The following GFI1 variants were observed in gnomAD, a reference collection of about 807,000 sequenced individuals.
GFI1 encodes the protein growth factor independent 1 transcriptional repressor.
Under a neutral mutation model 39.2 loss-of-function variants are expected in GFI1, and 15 were observed. The observed-to-expected ratio is 0.38, with a 90% CI of 0.26 to 0.59. The LOEUF (loss-of-function observed/expected upper bound fraction) is 0.59. GFI1 is among the 20% of genes least tolerant of loss of function. GFI1 has a pLI of 0.62. For synonymous variants in GFI1, 239 were observed against 254.3 expected (o/e 0.94, Z 0.57); for missense variants, 475 against 574.0 (o/e 0.83, Z 1.76).
In GFI1 at chr1:92,478,773, G is replaced by GAGAGAGAT; in HGVS notation, c.925-21_925-20insATCTCTCT. ...CCGTTCCTGCAGAGAGAGAGAGAGA[G>GAGAGAGAT]AGAGAGAGAGAGAGAGAGAGATGCA... On this transcript the variant is annotated intron_variant, in intron 5 of 6. Coordinates refer to ENST00000294702, the MANE Select transcript of GFI1 (RefSeq NM_005263.5). The GAGAGAGAT allele has an allele frequency of 6.2e-7, 1 of 1,605,332 alleles. No individual in the cohort carries two copies. The highest frequency in any genetic ancestry group is 1.1e-5 in the South Asian group (1 of 90,356).
At position 92,480,761 on chromosome 1, in the gene GFI1, C is replaced by T. The variant is rs1160854166; in HGVS notation, c.626G>A (p.Gly209Glu). The T allele has an allele frequency of 1.9e-6, 3 of 1,600,614 alleles. No individual in the cohort carries two copies. Among genetic ancestry groups the T allele is most frequent in the Non-Finnish European group, 2.5e-6 (3 of 1,178,222 alleles). Residue 209 changes from glycine to glutamate, a missense_variant, in exon 4 of 7, where the codon GGG becomes GAG. Physicochemically the swap from Gly to Glu is moderately conservative, Grantham distance 98. Transcript: ENST00000294702. The surrounding 1 kb of genome is among the most constrained non-coding windows in gnomAD (Gnocchi z 5.6). The part of the protein sequence containing the change: ...LYGDFGSAAA[G>E]LYERPTAAAG... Reference sequence around the variant, plus strand: ...CGCTGCCGTGGGCCTCTCATACAGCCCGGCTGCCGCAGACCCGAAGTCGCC... The same window carrying T: ...CGCTGCCGTGGGCCTCTCATACAGCTCGGCTGCCGCAGACCCGAAGTCGCC...
At position 92,473,312 on chromosome 1, in the gene GFI1, T is replaced by C. The variant is rs149403862; in HGVS notation, c.*2717A>G. On this transcript the variant is annotated 3_prime_UTR_variant, in exon 7 of 7. Transcript: ENST00000294702. ...GAGCAGGACAGCACAGGCACCTAGA[T>C]TTCAATCAGTTCTACTTACCCCTCA... is the stretch of plus-strand genomic sequence containing the variant. Among the ~76,000 whole-genome samples the C allele has an allele frequency of 1.5e-3, 225 of 152,240 alleles. No individual in the cohort carries two copies. Among genetic ancestry groups the C allele is most frequent in the African/African-American group, 5.2e-3 (215 of 41,532 alleles).
At position 92,481,830 on chromosome 1, in the gene GFI1, C is replaced by T. The variant is rs1658268254; in HGVS notation, c.299-742G>A. ...ATAACTCATAAGGTTTAGCCACCACCTGCAAGGAGACAGCTCTGAATTCTC... is the reference window on the plus strand; with the variant it reads ...ATAACTCATAAGGTTTAGCCACCACTTGCAAGGAGACAGCTCTGAATTCTC... On this transcript the variant is annotated intron_variant, in intron 3 of 6. Transcript: ENST00000294702. This position sits in a 1 kb window ranked among gnomAD's most constrained non-coding sequence, Gnocchi z 4.3. Among the ~76,000 whole-genome samples, 2 of 152,170 alleles carry T rather than the reference C, an allele frequency of 1.3e-5. No homozygotes were observed. The highest frequency in any genetic ancestry group is 1.3e-4 in the Admixed American group (2 of 15,282).
intron 6 of GFI1, among the ~76,000 whole-genome samples, chr1:92,476,909 G>A (rs942753): frequency 0.72 from 108,794 of 152,032 alleles, 39,662 homozygotes; most frequent in East Asian, 0.94. Flanking sequence ...TAATTTTATG[G>A]GGTTAATCAC....
chr1:92,478,375 CTT>C (rs1658057718), intron 6 of GFI1, among the ~76,000 whole-genome samples: 1 of 152,312 alleles, frequency 6.6e-6, no homozygotes, highest in Middle Eastern at 3.4e-3. Context: ...GCTGAGTGGC[CTT>C]TCAGACACAA....
At position 92,474,893 on chromosome 1, in the gene GFI1, A is replaced by G. The variant is rs751951446; in HGVS notation, c.*1136T>C. On this transcript the variant is annotated 3_prime_UTR_variant, in exon 7 of 7. Coordinates refer to ENST00000294702, the MANE Select transcript of GFI1 (RefSeq NM_005263.5). ...TGAAAATACCACCTTTCCCCCCTCT[A>G]TGGTACACATGGAGGGTCAAAGAGT... 5.2e-5 allele frequency: 8 copies of G among 152,500 alleles called. No homozygotes were observed. Among genetic ancestry groups the G allele is most frequent in the Non-Finnish European group, 8.8e-5 (6 of 68,016 alleles). The allele number at this position is 152,500 out of a possible 1,614,324, so 9.4% of individuals were successfully genotyped here. A position where few individuals can be genotyped will look rare whatever the true frequency, so the allele number is the denominator to read the frequency against.
At chr1:92,485,712 G>A (rs1032835655) in intron 1 of GFI1, among the ~76,000 whole-genome samples, 9 of 152,004 alleles carry the variant, frequency 5.9e-5, no homozygotes, top group Admixed American at 2.0e-4. Context: ...CGCTAAGGGG[G>A]CGTCCTCCCG....
In GFI1 at chr1:92,486,221, C is replaced by T. The variant is rs150441184; in HGVS notation, c.-100+505G>A. The T allele has an allele frequency of 7.9e-4, 121 of 152,658 alleles. 1 individual carries two copies. The highest frequency in any genetic ancestry group is 2.7e-3 in the African/African-American group (114 of 41,586). The allele number at this position is 152,658 out of a possible 1,614,324, so 9.5% of individuals were successfully genotyped here. A position where few individuals can be genotyped will look rare whatever the true frequency, so the allele number is the denominator to read the frequency against. Reference sequence around the variant, plus strand: ...CTGCTCCCAACCCCCGTCGGGCGGCCGGGCGCGCTCCTTTGCGCAAGTGGC... The same window carrying T: ...CTGCTCCCAACCCCCGTCGGGCGGCTGGGCGCGCTCCTTTGCGCAAGTGGC... On this transcript the variant is annotated intron_variant, in intron 1 of 6. Transcript: ENST00000294702.
At chr1:92,483,662 G>C in intron 1 of GFI1, 76 bp from the exon 2 acceptor site, 1 of 665,866 alleles carries the variant, frequency 1.5e-6, no homozygotes, top group South Asian at 1.6e-5. Flanking sequence ...CCAGGCGGAG[G>C]GAGAGCGCGG....
At chr1:92,478,297 C>G (rs1463855934) in intron 6 of GFI1, among the ~76,000 whole-genome samples, 3 of 152,108 alleles carry the variant, frequency 2.0e-5, no homozygotes, top group Non-Finnish European at 2.9e-5. Flanking sequence ...GAGCAGGCAG[C>G]AGGGGAAGCA....
Position 92,480,097 on chromosome 1 carries a change from G to A in GFI1, c.924+251C>T, listed in dbSNP as rs1360116700. 6.6e-6 allele frequency among the ~76,000 whole-genome samples: 1 copy of A among 152,228 alleles called. No homozygotes were observed. The highest frequency in any genetic ancestry group is 2.4e-5 in the African/African-American group (1 of 41,452). On this transcript the variant is annotated intron_variant, in intron 5 of 6. Coordinates refer to ENST00000294702, the MANE Select transcript of GFI1 (RefSeq NM_005263.5). The surrounding 1 kb of genome is among the most constrained non-coding windows in gnomAD (Gnocchi z 5.6). Reference sequence around the variant, plus strand: ...CCTACCTCAAGCCCAAAGTAACAATGAGGATCACACTCTCGAGGCTCACAG... The same window carrying A: ...CCTACCTCAAGCCCAAAGTAACAATAAGGATCACACTCTCGAGGCTCACAG...
Position 92,480,054 on chromosome 1 carries a change from C to T in GFI1, c.924+294G>A, listed in dbSNP as rs1182154387. 6.6e-6 allele frequency among the ~76,000 whole-genome samples: 1 copy of T among 152,186 alleles called. No homozygotes were observed. Among genetic ancestry groups the T allele is most frequent in the Non-Finnish European group, 1.5e-5 (1 of 68,032 alleles). The stretch of plus-strand genomic sequence containing the variant: ...TAGTAAGTCTGATATATCAGCAGCA[C>T]GAATCAGTGCATACAAACCTACCTC... On this transcript the variant is annotated intron_variant, in intron 5 of 6. Transcript: ENST00000294702. The surrounding 1 kb of genome is among the most constrained non-coding windows in gnomAD (Gnocchi z 5.6).
In GFI1 at chr1:92,481,213, T is replaced by TGCGCCAGGTGCCAGGCTC. The variant is rs1164990938; in HGVS notation, c.299-143_299-126dup. Reference sequence around the variant, plus strand: ...CACCCAGCGCTTGTAGAACACTGCGTGCGCCAGGTGCCAGGCTCGCCCCAG... The same window carrying TGCGCCAGGTGCCAGGCTC: ...CACCCAGCGCTTGTAGAACACTGCGTGCGCCAGGTGCCAGGCTCGCGCCAGGTGCCAGGCTCGCCCCAG... On this transcript the variant is annotated intron_variant, in intron 3 of 6. Coordinates refer to ENST00000294702, the MANE Select transcript of GFI1 (RefSeq NM_005263.5). This position sits in a 1 kb window ranked among gnomAD's most constrained non-coding sequence, Gnocchi z 4.3. 6.9e-6 allele frequency: 6 copies of TGCGCCAGGTGCCAGGCTC among 863,582 alleles called. No homozygotes were observed. Among genetic ancestry groups the TGCGCCAGGTGCCAGGCTC allele is most frequent in the Admixed American group, 2.0e-5 (1 of 49,460 alleles). 53.5% of individuals were successfully genotyped at this position (863,582 alleles called of 1,614,324 possible).
In GFI1 at chr1:92,481,407, A is replaced by C. The variant is rs893500379; in HGVS notation, c.299-319T>G. On this transcript the variant is annotated intron_variant, in intron 3 of 6. Coordinates refer to ENST00000294702, the MANE Select transcript of GFI1 (RefSeq NM_005263.5). This position sits in a 1 kb window ranked among gnomAD's most constrained non-coding sequence, Gnocchi z 4.3. Reference sequence around the variant, plus strand: ...TCTGGCTGGACCCGCGCACCTGGAGATCCTACAGGGAAGGGCGCATCTATA... The same window carrying C: ...TCTGGCTGGACCCGCGCACCTGGAGCTCCTACAGGGAAGGGCGCATCTATA... 6.6e-6 allele frequency among the ~76,000 whole-genome samples: 1 copy of C among 152,156 alleles called. No individual in the cohort carries two copies. The highest frequency in any genetic ancestry group is 2.4e-5 in the African/African-American group (1 of 41,438).
rs1658263158 is a variant in GFI1, at chr1:92,481,692, TAGCAAAGG to T, written c.299-612_299-605del. 2.0e-5 allele frequency among the ~76,000 whole-genome samples: 3 copies of T among 152,146 alleles called. No individual in the cohort carries two copies. The highest frequency in any genetic ancestry group is 1.3e-4 in the Admixed American group (2 of 15,284). On this transcript the variant is annotated intron_variant, in intron 3 of 6. Coordinates refer to ENST00000294702, the MANE Select transcript of GFI1 (RefSeq NM_005263.5). The surrounding 1 kb of genome is among the most constrained non-coding windows in gnomAD (Gnocchi z 4.3). ...CACGAAGTTAAGTGCCCAGTGTACG[TAGCAAAGG>T]AGCAGCAGGAAAGGGGCTTTTGGGC...
Position 92,481,979 on chromosome 1 carries a change from C to A in GFI1, c.298+885G>T, listed in dbSNP as rs1658280991. On this transcript the variant is annotated intron_variant, in intron 3 of 6. Coordinates refer to ENST00000294702, the MANE Select transcript of GFI1 (RefSeq NM_005263.5). This position sits in a 1 kb window ranked among gnomAD's most constrained non-coding sequence, Gnocchi z 4.3. The stretch of plus-strand genomic sequence containing the variant: ...CGCACAACACTCCAGTTCAGGCTGG[C>A]CACTTCAGTGAGAGGCTGTACCCGG... Among the ~76,000 whole-genome samples the A allele has an allele frequency of 1.4e-5, 1 of 72,784 alleles. No individual in the cohort carries two copies. Among genetic ancestry groups the A allele is most frequent in the Non-Finnish European group, 3.0e-5 (1 of 33,740 alleles). 47.7% of individuals were successfully genotyped at this position (72,784 alleles called of 152,430 possible).
chr1:92,483,933 G>T (rs1658413273), intron 1 of GFI1: 2 of 292,438 alleles, frequency 6.8e-6, no homozygotes, highest in Non-Finnish European at 1.4e-5. Context: ...GTTCCCATCG[G>T]GTGGGTTACC....
intron 1 of GFI1, among the ~76,000 whole-genome samples, chr1:92,485,384 T>G (rs1036764454): frequency 6.6e-6 from 1 of 152,196 alleles, no homozygotes; most frequent in Non-Finnish European, 1.5e-5. Flanking sequence ...GGACCCACGT[T>G]GGCTGGGAGC....
chr1:92,483,670 C>G (rs1658399794), intron 1 of GFI1, 84 bp from the exon 2 acceptor site: 3 of 657,776 alleles, frequency 4.6e-6, no homozygotes, highest in African/African-American at 1.8e-5. Flanking sequence ...AGGGAGAGCG[C>G]GGGCCAGGGA....
Sources: allele counts gnomAD v4.1 joint callset (sites outside exome capture counted in the v4.1 genomes callset), GRCh38; gene constraint gnomAD v4.1.1; non-coding constraint Gnocchi (gnomAD v3.1); transcripts MANE v1.5; gene names NCBI Gene and HGNC (gene_info 2026-07-23, HGNC 2026-07-21).